Variants in CABIN1 observed in about 807,000 individuals in gnomAD.
CABIN1 encodes calcineurin-binding protein cabin-1.
In CABIN1, 133 loss-of-function variants were observed where a neutral mutation model predicts 227.7. The observed-to-expected ratio is 0.58, with a 90% CI of 0.51 to 0.67. CABIN1 has a LOEUF of 0.67. CABIN1 is among the 30% of genes least tolerant of loss of function. CABIN1 has a pLI of 0.00. For synonymous variants in CABIN1, 1,086 were observed against 1,155.1 expected, an observed-to-expected ratio of 0.94 and a Z score of 1.21; for missense variants, 2,408 against 2,852.5, an observed-to-expected ratio of 0.84 and a Z score of 3.55.
At chr22:24,080,674 G>A (rs1006478363) in intron 19 of CABIN1, among the ~76,000 whole-genome samples, 4 of 151,666 alleles carry the variant, frequency 2.6e-5, no homozygotes, top group African/African-American at 9.7e-5. Flanking sequence ...TTAGATTGTT[G>A]CCTAGGTTTC....
rs549638728 is a variant in CABIN1, at chr22:24,031,043, T to C, written c.-74-4401T>C. Among the ~76,000 whole-genome samples, 22 of 152,318 alleles carry C rather than the reference T, an allele frequency of 1.4e-4. No individual in the cohort carries two copies. In the South Asian group the frequency reaches 4.4e-3, roughly 30 times the overall value. ...GTGGAATAGGTTGGCCTTGGCATGA[T>C]GGCTGTATTGATGTTCTCCCACCCA... On this transcript the variant is annotated intron_variant, in intron 1 of 36. Coordinates refer to ENST00000263119, the MANE Select transcript of CABIN1 (RefSeq NM_012295.4).
intron 27 of CABIN1, among the ~76,000 whole-genome samples, chr22:24,114,719 A>G (rs2042992296): frequency 6.6e-6 from 1 of 152,146 alleles, no homozygotes; most frequent in Non-Finnish European, 1.5e-5. Context: ...CAAGCCCTGG[A>G]TGGGAGCTCA....
intron 7 of CABIN1, among the ~76,000 whole-genome samples, chr22:24,050,125 A>T (rs1412589719): frequency 1.3e-5 from 2 of 152,136 alleles, no homozygotes; most frequent in Non-Finnish European, 2.9e-5. Context: ...GTTGATTAGT[A>T]GTGATTTATC....
Position 24,177,405 on chromosome 22 carries a change from T to G in CABIN1, c.6206-99T>G. 1 of 1,072,490 alleles carries G rather than the reference T, an allele frequency of 9.3e-7. No individual in the cohort carries two copies. The highest frequency in any genetic ancestry group is 1.3e-6 in the Non-Finnish European group (1 of 748,564). 66.4% of individuals were successfully genotyped at this position (1,072,490 alleles called of 1,614,324 possible). On this transcript the variant is annotated intron_variant, in intron 35 of 36. Transcript: ENST00000263119. The surrounding 1 kb of genome is among the most constrained non-coding windows in gnomAD (Gnocchi z 4.4). The stretch of plus-strand genomic sequence containing the variant: ...GCCAGCCAGCACAAACTACACAGCA[T>G]AAAGGCCCAGGACCTGGGGGGAGCG...
At chr22:24,042,487 G>T (rs889701501) in intron 5 of CABIN1, among the ~76,000 whole-genome samples, 2 of 152,144 alleles carry the variant, frequency 1.3e-5, no homozygotes, top group African/African-American at 4.8e-5. Context: ...GAGCTGAGGT[G>T]AGAGGATTGC....
At chr22:24,063,232 GTGTA>G (rs2039328063) in intron 14 of CABIN1, 86 bp downstream of exon 14, 12 of 1,322,804 alleles carry the variant, frequency 9.1e-6, no homozygotes, top group African/African-American at 1.5e-5. Context: ...GGGTGTGTGT[GTGTA>G]TGTGTGTGTG....
At chr22:24,152,775 C>T (rs1050495209) in intron 29 of CABIN1, among the ~76,000 whole-genome samples, 1 of 151,978 alleles carries the variant, frequency 6.6e-6, no homozygotes, top group Non-Finnish European at 1.5e-5. Flanking sequence ...CATGGTGAGA[C>T]CCCATCTCTA....
rs547527001 is a variant in CABIN1 at position 24,160,142 on chromosome 22, G to C, written c.4747-4258G>C. On this transcript the variant is annotated intron_variant, in intron 29 of 36. Transcript: ENST00000263119. Reference sequence around the variant, plus strand: ...AACTCAGTTTCCCTCTCTGGAAAATGAGGGGTGAGTTGATTACATACTCAG... The same window carrying C: ...AACTCAGTTTCCCTCTCTGGAAAATCAGGGGTGAGTTGATTACATACTCAG... 5.3e-5 allele frequency among the ~76,000 whole-genome samples: 8 copies of C among 152,220 alleles called. No homozygotes were observed. The South Asian group carries it at 1.7e-3, about 32-fold the overall frequency.
At chr22:24,051,373 T>C (rs900754052) in intron 8 of CABIN1, among the ~76,000 whole-genome samples, 8 of 152,012 alleles carry the variant, frequency 5.3e-5, no homozygotes, top group African/African-American at 1.9e-4. Context: ...GCTTCTCCGC[T>C]CTCAAGTCCA....
chr22:24,126,466 G>C (rs1367166872), intron 28 of CABIN1, among the ~76,000 whole-genome samples: 1 of 150,090 alleles, frequency 6.7e-6, no homozygotes, highest in Non-Finnish European at 1.5e-5. Flanking sequence ...AACAGTCTTG[G>C]TGTGACTAGA....
intron 1 of CABIN1, among the ~76,000 whole-genome samples, chr22:24,016,773 C>T (rs1453884207): frequency 6.6e-6 from 1 of 152,160 alleles, no homozygotes; most frequent in East Asian, 1.9e-4. Context: ...GAGAATAGCG[C>T]CTGTTTCTCC....
intron 21 of CABIN1, 69 bp downstream of exon 21, chr22:24,084,854 A>T (rs1162527073): frequency 1.9e-6 from 3 of 1,571,280 alleles, no homozygotes; most frequent in Non-Finnish European, 1.8e-6. Flanking sequence ...CCACTGCTGT[A>T]TATGCTCCTT....
chr22:24,142,328 AG>A (rs1296147484), intron 29 of CABIN1, among the ~76,000 whole-genome samples: 1 of 152,160 alleles, frequency 6.6e-6, no homozygotes, highest in Non-Finnish European at 1.5e-5. Flanking sequence ...CTCAGCAGGC[AG>A]GGAGTGCCTA....
intron 34 of CABIN1, chr22:24,175,881 G>A (rs1306970139): frequency 4.8e-6 from 3 of 622,344 alleles, no homozygotes; most frequent in East Asian, 2.8e-5. Context: ...CTCGGGAGGC[G>A]GAGGAGCCCT....
At chr22:24,150,233 A>C (rs1321312729) in intron 29 of CABIN1, among the ~76,000 whole-genome samples, 1 of 152,178 alleles carries the variant, frequency 6.6e-6, no homozygotes, top group Non-Finnish European at 1.5e-5. Context: ...AGGTGCCCTG[A>C]GTGTACTACT....
chr22:24,032,080 C>T (rs1225084359), intron 1 of CABIN1, among the ~76,000 whole-genome samples: 3 of 152,144 alleles, frequency 2.0e-5, no homozygotes, highest in Non-Finnish European at 2.9e-5. Context: ...CCATCACCAC[C>T]ATCCATCTCC....
intron 26 of CABIN1, among the ~76,000 whole-genome samples, chr22:24,108,653 A>G (rs530363739): frequency 1.3e-5 from 2 of 152,334 alleles, no homozygotes; most frequent in East Asian, 3.9e-4. Context: ...GGGCTATGGC[A>G]GGGATGCCTA....
intron 34 of CABIN1, among the ~76,000 whole-genome samples, chr22:24,174,242 C>A (rs2046986061): frequency 6.6e-6 from 1 of 152,076 alleles, no homozygotes; most frequent in South Asian, 2.1e-4. Flanking sequence ...GATCCTCCTA[C>A]CTCAGCCTCC....
chr22:24,067,918 A>T (rs2039806407), intron 16 of CABIN1, among the ~76,000 whole-genome samples: 1 of 152,154 alleles, frequency 6.6e-6, no homozygotes, highest in Admixed American at 6.5e-5. Context: ...GCACCGAGAT[A>T]AACATGGAAG....
Sources: allele counts gnomAD v4.1 joint callset (sites outside exome capture counted in the v4.1 genomes callset), GRCh38; gene constraint gnomAD v4.1.1; non-coding constraint Gnocchi (gnomAD v3.1); transcripts MANE v1.5; gene names NCBI Gene and HGNC (gene_info 2026-07-23, HGNC 2026-07-21).